The following MAP3K4 variants were observed in gnomAD, a reference collection of about 807,000 sequenced individuals.
MAP3K4 encodes the protein MAP three kinase 1.
Under a neutral mutation model 185.6 loss-of-function variants are expected in MAP3K4, and 67 were observed. The observed-to-expected ratio is 0.36, with a 90% CI of 0.30 to 0.44. The LOEUF (loss-of-function observed/expected upper bound fraction) is 0.44, where lower values mean the gene tolerates loss of function less well. MAP3K4 is among the 20% of genes least tolerant of loss of function. MAP3K4 has a pLI of 1.00. For synonymous variants in MAP3K4, 702 were observed against 710.4 expected (o/e 0.99, Z 0.19); for missense variants, 1,551 against 1,995.1 (o/e 0.78, Z 4.24).
rs191579649 is a variant in MAP3K4 at position 161,075,255 on chromosome 6, A to G, written c.2097+1643A>G. Among the ~76,000 whole-genome samples the G allele has an allele frequency of 1.3e-3, 204 of 152,256 alleles. No homozygotes were observed. The highest frequency in any genetic ancestry group is 4.6e-3 in the African/African-American group (190 of 41,548). On this transcript the variant is annotated intron_variant, in intron 5 of 26. Transcript: ENST00000392142. This position sits in a 1 kb window ranked among gnomAD's most constrained non-coding sequence, Gnocchi z 4.3. ...CTGTAGTCTCAACCTACTGGGCTCAAACGATCCTCCTGCCTCAGCCTCCCT... is the reference window on the plus strand; with the variant it reads ...CTGTAGTCTCAACCTACTGGGCTCAGACGATCCTCCTGCCTCAGCCTCCCT...
chr6:161,087,412 T>C lies in MAP3K4; in HGVS notation c.2557-276T>C, dbSNP rs1785783754. 6.6e-6 allele frequency among the ~76,000 whole-genome samples: 1 copy of C among 152,188 alleles called. No individual in the cohort carries two copies. Among genetic ancestry groups the C allele is most frequent in the African/African-American group, 2.4e-5 (1 of 41,442 alleles). ...CAGGCTGCCTTGCCTCCCCGTCGAG[T>C]ATTTTCTTTGTTGTTGAAAATAAAG... On this transcript the variant is annotated intron_variant, in intron 9 of 26. Transcript: ENST00000392142. The surrounding 1 kb of genome is among the most constrained non-coding windows in gnomAD (Gnocchi z 4.9).
In MAP3K4 at chr6:161,048,222, A is replaced by G. The variant is rs372997066; in HGVS notation, c.344-394A>G. ...ACATTTAGCTAATGACAAATGCAGGAATTAAATATATTTTCTCATCCAGGT... is the reference window on the plus strand; with the variant it reads ...ACATTTAGCTAATGACAAATGCAGGGATTAAATATATTTTCTCATCCAGGT... On this transcript the variant is annotated intron_variant, in intron 2 of 26. Coordinates refer to ENST00000392142, the MANE Select transcript of MAP3K4 (RefSeq NM_005922.4). This position sits in a 1 kb window ranked among gnomAD's most constrained non-coding sequence, Gnocchi z 4.7. 2.8e-4 allele frequency: 148 copies of G among 533,320 alleles called. No homozygotes were observed. The highest frequency in any genetic ancestry group is 4.6e-4 in the Non-Finnish European group (121 of 261,222). 33.0% of individuals were successfully genotyped at this position (533,320 alleles called of 1,614,324 possible). A position where few individuals can be genotyped will look rare whatever the true frequency, so the allele number is the denominator to read the frequency against.
In MAP3K4 at chr6:161,048,710, C is replaced by A. The variant is rs762368601; in HGVS notation, c.438C>A (p.Ile146=). 1.9e-6 allele frequency: 3 copies of A among 1,613,724 alleles called. No homozygotes were observed. The Admixed American group carries it at 5.0e-5, about 27-fold the overall frequency. ...EEYSYKQEKK[I]RAALRTTERD... is the part of the protein sequence containing the mutation. ...ACAGCTATAAGCAGGAGAAAAAGAT[C>A]CGAGCAGCTCTTAGAACAACAGAGC... is the stretch of plus-strand genomic sequence containing the variant. Residue 146 remains isoleucine (I), a synonymous_variant, in exon 3 of 27, where the codon ATC becomes ATA. Coordinates refer to ENST00000392142, the MANE Select transcript of MAP3K4 (RefSeq NM_005922.4). The surrounding 1 kb of genome is among the most constrained non-coding windows in gnomAD (Gnocchi z 4.7).
At chr6:161,058,959 C>T (rs771876925) in intron 3 of MAP3K4, among the ~76,000 whole-genome samples, 6 of 152,084 alleles carry the variant, frequency 3.9e-5, no homozygotes, top group Non-Finnish European at 8.8e-5. Context: ...TGTAAGAATG[C>T]TTAATTGAAA....
intron 1 of MAP3K4, among the ~76,000 whole-genome samples, chr6:161,028,560 A>T (rs1782778565): frequency 6.6e-6 from 1 of 152,218 alleles, no homozygotes; most frequent in Admixed American, 6.5e-5. Context: ...TGCACCAGCC[A>T]CTGTTCTAGA....
At chr6:161,052,153 G>T (rs758508667) in intron 3 of MAP3K4, among the ~76,000 whole-genome samples, 1 of 152,028 alleles carries the variant, frequency 6.6e-6, no homozygotes, top group African/African-American at 2.4e-5. Context: ...TCCGTAAACT[G>T]CTTCACCCAC....
Position 161,084,417 on chromosome 6 carries a change from G to A in MAP3K4, c.2256-84G>A, listed in dbSNP as rs1785597430. On this transcript the variant is annotated intron_variant, in intron 6 of 26. Coordinates refer to ENST00000392142, the MANE Select transcript of MAP3K4 (RefSeq NM_005922.4). The surrounding 1 kb of genome is among the most constrained non-coding windows in gnomAD (Gnocchi z 4.6). The stretch of plus-strand genomic sequence containing the variant: ...TTTAAACCATTAGAGCAGTAGCTGA[G>A]CCTTTCAAGTTTCTCAGTCAAGAAT... 2.7e-6 allele frequency: 2 copies of A among 730,506 alleles called. No individual in the cohort carries two copies. The highest frequency in any genetic ancestry group is 5.0e-5 in the East Asian group (2 of 40,374). The allele number at this position is 730,506 out of a possible 1,614,324, so 45.3% of individuals were successfully genotyped here.
intron 5 of MAP3K4, among the ~76,000 whole-genome samples, chr6:161,079,456 A>G (rs1785339515): frequency 6.6e-6 from 1 of 151,970 alleles, no homozygotes; most frequent in Non-Finnish European, 1.5e-5. Flanking sequence ...GCATGCCTGT[A>G]ATCCCAGCTA....
In MAP3K4 at chr6:161,101,788, A is replaced by G; in HGVS notation, c.3675-104A>G. ...GGAGGCAGAGTTGTTCCTGGCAGGCAGAGTTGCCCCCAGTTGAGAATTATT... is the reference window on the plus strand; with the variant it reads ...GGAGGCAGAGTTGTTCCTGGCAGGCGGAGTTGCCCCCAGTTGAGAATTATT... On this transcript the variant is annotated intron_variant, in intron 17 of 26. Transcript: ENST00000392142. The surrounding 1 kb of genome is among the most constrained non-coding windows in gnomAD (Gnocchi z 5.1). The G allele has an allele frequency of 1.1e-6, 1 of 908,110 alleles. No individual in the cohort carries two copies. The highest frequency in any genetic ancestry group is 1.7e-6 in the Non-Finnish European group (1 of 582,990). The allele number at this position is 908,110 out of a possible 1,614,324, so 56.3% of individuals were successfully genotyped here. A position where few individuals can be genotyped will look rare whatever the true frequency, so the allele number is the denominator to read the frequency against.
chr6:161,063,696 A>T lies in MAP3K4; in HGVS notation c.1708-6912A>T, dbSNP rs1177199016. 6.6e-6 allele frequency among the ~76,000 whole-genome samples: 1 copy of T among 152,074 alleles called. No homozygotes were observed. Among genetic ancestry groups the T allele is most frequent in the Non-Finnish European group, 1.5e-5 (1 of 68,012 alleles). Reference sequence around the variant, plus strand: ...TTTGGGGTACTAGTTTTAAGATATTATGGGGCCTAAACCACTCCAGCCCTT... The same window carrying T: ...TTTGGGGTACTAGTTTTAAGATATTTTGGGGCCTAAACCACTCCAGCCCTT... On this transcript the variant is annotated intron_variant, in intron 3 of 26. Coordinates refer to ENST00000392142, the MANE Select transcript of MAP3K4 (RefSeq NM_005922.4). The surrounding 1 kb of genome is among the most constrained non-coding windows in gnomAD (Gnocchi z 5.4).
Position 161,076,592 on chromosome 6 carries a change from CAT to C in MAP3K4, c.2097+2982_2097+2983del, listed in dbSNP as rs748254353. Among the ~76,000 whole-genome samples the C allele has an allele frequency of 7.4e-4, 112 of 152,208 alleles. No homozygotes were observed. The highest frequency in any genetic ancestry group is 3.4e-3 in the Middle Eastern group (1 of 294). ...CCTCAGAAGTAACCAAGACAATAAA[CAT>C]AATAATACATGATGTAGGAACATGT... On this transcript the variant is annotated intron_variant, in intron 5 of 26. Coordinates refer to ENST00000392142, the MANE Select transcript of MAP3K4 (RefSeq NM_005922.4). The surrounding 1 kb of genome is among the most constrained non-coding windows in gnomAD (Gnocchi z 4.2).
At chr6:161,013,024 C>A (rs933836075) in intron 1 of MAP3K4, among the ~76,000 whole-genome samples, 1 of 152,094 alleles carries the variant, frequency 6.6e-6, no homozygotes, top group Admixed American at 6.6e-5. Context: ...TGGCTGCTCT[C>A]AAAAGAATTT....
rs941709830 is a variant in MAP3K4, at chr6:161,112,821, G to A, written c.4626+47G>A. 9 of 1,291,954 alleles carry A rather than the reference G, an allele frequency of 7.0e-6. No homozygotes were observed. Among genetic ancestry groups the A allele is most frequent in the Non-Finnish European group, 9.5e-6 (9 of 944,310 alleles). The allele number at this position is 1,291,954 out of a possible 1,614,324, so 80.0% of individuals were successfully genotyped here. On this transcript the variant is annotated intron_variant, in intron 25 of 26. Coordinates refer to ENST00000392142, the MANE Select transcript of MAP3K4 (RefSeq NM_005922.4). The surrounding 1 kb of genome is among the most constrained non-coding windows in gnomAD (Gnocchi z 5.1). ...GGCGGAGCAACTTCAGAAGGGCACT[G>A]TGCATTAACAGAACAGTAGTTATGG...
chr6:161,027,268 C>T (rs1364478390), intron 1 of MAP3K4, among the ~76,000 whole-genome samples: 2 of 152,192 alleles, frequency 1.3e-5, no homozygotes, highest in Non-Finnish European at 2.9e-5. Flanking sequence ...ACAAGAGTTT[C>T]TGGTTTGTTC....
chr6:161,049,250 C>T lies in MAP3K4; in HGVS notation c.978C>T (p.Cys326=). 6.2e-7 allele frequency: 1 copy of T among 1,614,124 alleles called. No homozygotes were observed. Among genetic ancestry groups the T allele is most frequent in the Non-Finnish European group, 8.5e-7 (1 of 1,179,988 alleles). ...GFNGTSVEGQ[C]KATPGTKIVG... ...ATGGTACTTCAGTAGAAGGGCAGTG[C>T]AAAGCCACTCCTGGAACAAAGATTG... The change falls in exon 3 of 27, where the codon TGC becomes TGT. Residue 326 remains cysteine, a synonymous_variant. Coordinates refer to ENST00000392142, the MANE Select transcript of MAP3K4 (RefSeq NM_005922.4). The surrounding 1 kb of genome is among the most constrained non-coding windows in gnomAD (Gnocchi z 8.4).
At chr6:161,085,073 G>T (rs1562528918) in intron 7 of MAP3K4, among the ~76,000 whole-genome samples, 1 of 151,930 alleles carries the variant, frequency 6.6e-6, no homozygotes, top group Non-Finnish European at 1.5e-5. Flanking sequence ...TTGAACCCAG[G>T]AGGCAGAGGT....
chr6:161,116,784 A>C lies in MAP3K4; in HGVS notation c.4807-66A>C. ...ATGGGGCCTTCCCCGTAAGACTCAT[A>C]CTGCGCGTATGCACAAGCACACACC... is the stretch of plus-strand genomic sequence containing the variant. On this transcript the variant is annotated intron_variant, in intron 26 of 26. Transcript: ENST00000392142. The surrounding 1 kb of genome is among the most constrained non-coding windows in gnomAD (Gnocchi z 6.2). 1 of 1,456,206 alleles carries C rather than the reference A, an allele frequency of 6.9e-7. No individual in the cohort carries two copies. The highest frequency in any genetic ancestry group is 9.6e-7 in the Non-Finnish European group (1 of 1,037,636). 90.2% of individuals were successfully genotyped at this position (1,456,206 alleles called of 1,614,324 possible). A position where few individuals can be genotyped will look rare whatever the true frequency, so the allele number is the denominator to read the frequency against.
In MAP3K4 at chr6:161,107,828, T is replaced by G; in HGVS notation, c.4049-71T>G. The G allele has an allele frequency of 3.0e-6, 3 of 994,460 alleles. No individual in the cohort carries two copies. 61.6% of individuals were successfully genotyped at this position (994,460 alleles called of 1,614,324 possible). ...CGTCCAAAATAATTGGACAGTATTA[T>G]TACAAGTTTAAGGAATGTAAGACAG... is the stretch of plus-strand genomic sequence containing the variant. On this transcript the variant is annotated intron_variant, in intron 20 of 26. Transcript: ENST00000392142. The surrounding 1 kb of genome is among the most constrained non-coding windows in gnomAD (Gnocchi z 6.2).
Position 161,096,918 on chromosome 6 carries a change from A to G in MAP3K4, c.3428-162A>G, listed in dbSNP as rs1303110645. 16 of 530,042 alleles carry G rather than the reference A, an allele frequency of 3.0e-5. 1 individual carries two copies. Among genetic ancestry groups the G allele is most frequent in the South Asian group, 6.7e-5 (2 of 29,954 alleles). 32.8% of individuals were successfully genotyped at this position (530,042 alleles called of 1,614,324 possible). A position where few individuals can be genotyped will look rare whatever the true frequency, so the allele number is the denominator to read the frequency against. On this transcript the variant is annotated intron_variant, in intron 15 of 26. Coordinates refer to ENST00000392142, the MANE Select transcript of MAP3K4 (RefSeq NM_005922.4). This position sits in a 1 kb window ranked among gnomAD's most constrained non-coding sequence, Gnocchi z 4.9. ...TGACTTTTAAAAAGTGACATTTTCC[A>G]TAATATTTGTATATGTAATATTATT...
Sources: allele counts gnomAD v4.1 joint callset (sites outside exome capture counted in the v4.1 genomes callset), GRCh38; gene constraint gnomAD v4.1.1; non-coding constraint Gnocchi (gnomAD v3.1); transcripts MANE v1.5; gene names NCBI Gene and HGNC (gene_info 2026-07-23, HGNC 2026-07-21).